Variants in MED20 observed in about 807,000 individuals in gnomAD.
MED20 encodes the protein mediator complex subunit 20.
Under a neutral mutation model 19.7 loss-of-function variants are expected in MED20, and 19 were observed. The observed-to-expected ratio is 0.96, with a 90% CI of 0.67 to 1.42. The LOEUF (loss-of-function observed/expected upper bound fraction) is 1.42. Among genes scored for constraint, MED20 ranks in the 40% most tolerant of loss-of-function variants. The pLI, the probability that MED20 is intolerant of heterozygous loss-of-function variation, is 0.00. For missense variants in MED20, 225 were observed against 273.0 expected, an observed-to-expected ratio of 0.82 and a Z score of 1.24; for synonymous variants, 105 against 104.8, an observed-to-expected ratio of 1.00 and a Z score of -0.01.
intron 2 of MED20, among the ~76,000 whole-genome samples, chr6:41,911,069 A>G (rs145983183): frequency 0.13 from 18,943 of 149,688 alleles, 1,375 homozygotes; most frequent in East Asian, 0.25. Flanking sequence ...AGATCGTGCC[A>G]CTGCACTCCA....
rs1197404548 is a variant in MED20, at chr6:41,916,868, T to G, written c.86A>C (p.Glu29Ala). The G allele has an allele frequency of 1.2e-6, 2 of 1,613,914 alleles. No individual in the cohort carries two copies. The highest frequency in any genetic ancestry group is 1.7e-6 in the Non-Finnish European group (2 of 1,180,006). The change falls in exon 2 of 4, where the codon GAG becomes GCG. Residue 29 changes from glutamate to alanine, a missense_variant. Transcript: ENST00000265350. The stretch of plus-strand genomic sequence containing the variant: ...TCCTTGCTTCTCTGCCCCAAGCATC[T>G]CCAATTTCCGGGTAAGGAGCTCTAC... Reference protein sequence around the residue: ...QTVELLTRKLEMLGAEKQGTF... With the variant: ...QTVELLTRKLAMLGAEKQGTF...
At chr6:41,917,023 C>A in intron 1 of MED20, 84 bp from the exon 2 acceptor site, 1 of 1,423,396 alleles carries the variant, frequency 7.0e-7, no homozygotes, top group East Asian at 2.3e-5. Context: ...AGCATCACAG[C>A]TCATCAGGGC....
intron 3 of MED20, chr6:41,908,918 C>T (rs1775119291): frequency 3.0e-6 from 1 of 336,994 alleles, no homozygotes; most frequent in South Asian, 1.0e-4. Context: ...TGTGTTGGCT[C>T]ATACCTGTAA....
Position 41,906,512 on chromosome 6 carries a change from A to C in MED20, c.*560T>G, listed in dbSNP as rs1318815793. Reference sequence around the variant, plus strand: ...GTCAGAAGGAGATTTCAAAGGACTCAGGCAACACCCTAGGAAAGTCAATTC... The same window carrying C: ...GTCAGAAGGAGATTTCAAAGGACTCCGGCAACACCCTAGGAAAGTCAATTC... On this transcript the variant is annotated 3_prime_UTR_variant, in exon 4 of 4. Coordinates refer to ENST00000265350, the MANE Select transcript of MED20 (RefSeq NM_004275.5). 6.5e-6 allele frequency: 1 copy of C among 152,892 alleles called. No homozygotes were observed. Among genetic ancestry groups the C allele is most frequent in the Non-Finnish European group, 1.5e-5 (1 of 68,522 alleles). The allele number at this position is 152,892 out of a possible 1,614,324, so 9.5% of individuals were successfully genotyped here.
At chr6:41,917,730 T>C (rs1775351971) in intron 1 of MED20, 1 of 469,790 alleles carries the variant, frequency 2.1e-6, no homozygotes, top group Non-Finnish European at 4.4e-6. Flanking sequence ...GGGATTCCTT[T>C]TGCAACTCTT....
chr6:41,918,637 C>T (rs1433492951), intron 1 of MED20, among the ~76,000 whole-genome samples: 1 of 151,074 alleles, frequency 6.6e-6, no homozygotes, highest in Non-Finnish European at 1.5e-5. Context: ...CACGGTGAAA[C>T]CCCGTCTCTA....
At chr6:41,912,504 C>T (rs963868463) in intron 2 of MED20, among the ~76,000 whole-genome samples, 13 of 151,670 alleles carry the variant, frequency 8.6e-5, no homozygotes, top group Non-Finnish European at 1.6e-4. Flanking sequence ...TTACAGGTGC[C>T]TGCCACCATG....
intron 2 of MED20, among the ~76,000 whole-genome samples, chr6:41,915,840 G>A (rs1775303058): frequency 7.4e-6 from 1 of 135,902 alleles, no homozygotes; most frequent in South Asian, 2.3e-4. Flanking sequence ...GGTTGTAATG[G>A]ATATGTTTAG....
At chr6:41,908,942 G>C (rs776178182) in intron 3 of MED20, 27 of 375,984 alleles carry the variant, frequency 7.2e-5, no homozygotes, top group South Asian at 1.6e-4. Context: ...CAGCACTTTG[G>C]GGGGCTGAGA....
rs1775064210 is a variant in MED20 at position 41,906,896 on chromosome 6, T to G, written c.*176A>C. ...GCTGATGGGGGGCTATGTGTGAGAGTCAGGGGGTTGGGGAGGGGACTCAGC... is the reference window on the plus strand; with the variant it reads ...GCTGATGGGGGGCTATGTGTGAGAGGCAGGGGGTTGGGGAGGGGACTCAGC... On this transcript the variant is annotated 3_prime_UTR_variant, in exon 4 of 4. Coordinates refer to ENST00000265350, the MANE Select transcript of MED20 (RefSeq NM_004275.5). The G allele has an allele frequency of 1.7e-6, 1 of 594,680 alleles. No individual in the cohort carries two copies. The highest frequency in any genetic ancestry group is 2.0e-5 in the African/African-American group (1 of 51,094). 36.8% of individuals were successfully genotyped at this position (594,680 alleles called of 1,614,324 possible). A position where few individuals can be genotyped will look rare whatever the true frequency, so the allele number is the denominator to read the frequency against.
intron 1 of MED20, among the ~76,000 whole-genome samples, chr6:41,919,315 AT>A (rs1446276371): frequency 2.0e-5 from 3 of 152,156 alleles, no homozygotes; most frequent in Non-Finnish European, 4.4e-5. Flanking sequence ...CTGTTAAAAC[AT>A]TAAGGAAAAT....
In MED20 at chr6:41,909,235, G is replaced by A. The variant is rs541738169; in HGVS notation, c.423+34C>T. 1.9e-6 allele frequency: 3 copies of A among 1,599,802 alleles called. No individual in the cohort carries two copies. The East Asian group carries it at 6.7e-5, about 36-fold the overall frequency. On this transcript the variant is annotated intron_variant, in intron 3 of 3. Coordinates refer to ENST00000265350, the MANE Select transcript of MED20 (RefSeq NM_004275.5). ...AGCCCTTTGCTAAGCAGCCCCCTCA[G>A]AACATCCTGCTCCTATTTTCACCAA...
At position 41,909,377 on chromosome 6, in the gene MED20, A is replaced by G. The variant is rs377084334; in HGVS notation, c.315T>C (p.Ala105=). ...CCCGGGTCTCAATCTTGCTGGCCTTAGCACTCTGGAAAAAGCCCTTGAGCT... is the reference window on the plus strand; with the variant it reads ...CCCGGGTCTCAATCTTGCTGGCCTTGGCACTCTGGAAAAAGCCCTTGAGCT... The part of the protein sequence containing the change: ...MVKLKGFFQS[A]KASKIETRGT... The change falls in exon 3 of 4, where the codon GCT becomes GCC. Residue 105 remains alanine, a synonymous_variant. Coordinates refer to ENST00000265350, the MANE Select transcript of MED20 (RefSeq NM_004275.5). The G allele has an allele frequency of 3.7e-6, 6 of 1,614,212 alleles. No individual in the cohort carries two copies. The highest frequency in any genetic ancestry group is 5.1e-6 in the Non-Finnish European group (6 of 1,180,040).
intron 1 of MED20, among the ~76,000 whole-genome samples, chr6:41,919,128 CAA>C (rs35512146): frequency 2.0e-4 from 9 of 44,886 alleles, no homozygotes; most frequent in Non-Finnish European, 2.7e-4. Flanking sequence ...GACTCTGCCT[CAA>C]AAAAAAAAAA....
intron 1 of MED20, among the ~76,000 whole-genome samples, chr6:41,920,087 C>A (rs578192635): frequency 6.6e-6 from 1 of 152,316 alleles, no homozygotes; most frequent in Non-Finnish European, 1.5e-5. Context: ...TTACAACTAA[C>A]GCCTCCACGA....
Position 41,906,250 on chromosome 6 carries a change from TC to T in MED20, c.*821del, listed in dbSNP as rs1775043738. On this transcript the variant is annotated 3_prime_UTR_variant, in exon 4 of 4. Coordinates refer to ENST00000265350, the MANE Select transcript of MED20 (RefSeq NM_004275.5). ...AAATCTGCTCTTTTCTCTCTCTCTT[TC>T]CCCAGTGGAATGCAGATATGGAGCT... is the stretch of plus-strand genomic sequence containing the variant. 6.6e-6 allele frequency: 1 copy of T among 152,158 alleles called. No individual in the cohort carries two copies. The highest frequency in any genetic ancestry group is 1.9e-4 in the East Asian group (1 of 5,190). 9.4% of individuals were successfully genotyped at this position (152,158 alleles called of 1,614,324 possible). A position where few individuals can be genotyped will look rare whatever the true frequency, so the allele number is the denominator to read the frequency against.
At chr6:41,910,538 A>T (rs1775165169) in intron 2 of MED20, among the ~76,000 whole-genome samples, 1 of 151,842 alleles carries the variant, frequency 6.6e-6, no homozygotes, top group Non-Finnish European at 1.5e-5. Context: ...AGGCTGAGGC[A>T]CGAGAATCAC....
Position 41,907,191 on chromosome 6 carries a change from C to T in MED20, c.520G>A (p.Ala174Thr), listed in dbSNP as rs779680756. 5.6e-6 allele frequency: 9 copies of T among 1,613,894 alleles called. No homozygotes were observed. The highest frequency in any genetic ancestry group is 2.7e-5 in the African/African-American group (2 of 74,862). Residue 174 changes from alanine (A) to threonine (T), a missense_variant, in exon 4 of 4, where the codon GCA becomes ACA. Transcript: ENST00000265350. ...FLGSHTPGAPAVFGNRHDAVY... is the reference protein window; with the variant it reads ...FLGSHTPGAPTVFGNRHDAVY... ...GCATCATGTCTGTTCCCAAACACTG[C>T]GGGAGCCCCTGGTGTGTGGCTGCCT...
chr6:41,909,563 C>A (rs770954980), intron 2 of MED20, 41 bp from the exon 3 acceptor site: 4 of 1,602,826 alleles, frequency 2.5e-6, no homozygotes, highest in Non-Finnish European at 3.4e-6. Flanking sequence ...AAGACTTTCA[C>A]TGGCAAACCC....
Sources: allele counts gnomAD v4.1 joint callset (sites outside exome capture counted in the v4.1 genomes callset), GRCh38; gene constraint gnomAD v4.1.1; transcripts MANE v1.5; gene names NCBI Gene and HGNC (gene_info 2026-07-23, HGNC 2026-07-21).